Variants in KLC1 observed in about 807,000 individuals in gnomAD.
KLC1 encodes kinesin light chain 1, also known as kinesin 2 60/70kDa.
A neutral mutation model predicts 84.2 loss-of-function variants in KLC1; 30 were observed. That is an observed-to-expected ratio of 0.36 (90% CI 0.27 to 0.48). The LOEUF (loss-of-function observed/expected upper bound fraction) is 0.48, where lower values mean the gene tolerates loss of function less well. Among genes scored for constraint, KLC1 ranks in the 20% least tolerant of loss-of-function variants. The probability of loss-of-function intolerance (pLI) is 0.99; values close to 1 mark genes in which losing one functional copy is unlikely to be tolerated. For missense variants in KLC1, 499 were observed against 805.4 expected (o/e 0.62, Z 4.60); for synonymous variants, 289 against 293.3 (o/e 0.99, Z 0.15).
In KLC1 at chr14:103,654,666, G is replaced by A. The variant is rs2151492360; in HGVS notation, c.102G>A (p.Gly34=). The A allele has an allele frequency of 1.2e-6, 2 of 1,614,212 alleles. No homozygotes were observed. The highest frequency in any genetic ancestry group is 8.5e-7 in the Non-Finnish European group (1 of 1,180,028). Residue 34 remains glycine (G), a synonymous_variant, in exon 2 of 17, where the codon GGG becomes GGA. Transcript: ENST00000334553. ...IISKTKQVIQ[G]LEALKNEHNS... ...CTAAGACAAAGCAAGTAATTCAGGG[G>A]CTGGAAGCTTTGAAGAATGAGCACA...
intron 3 of KLC1, among the ~76,000 whole-genome samples, chr14:103,658,942 C>T (rs2079047910): frequency 6.6e-6 from 1 of 151,716 alleles, no homozygotes; most frequent in South Asian, 2.1e-4. Context: ...CAGGTGTGAG[C>T]CACTGCGCCC....
rs12590968 is a variant in KLC1 at position 103,670,296 on chromosome 14, G to T, written c.987+13G>T. The T allele has an allele frequency of 1.3e-6, 2 of 1,584,404 alleles. No homozygotes were observed. The highest frequency in any genetic ancestry group is 1.7e-6 in the Non-Finnish European group (2 of 1,159,590). On this transcript the variant is annotated intron_variant, in intron 7 of 16. Coordinates refer to ENST00000334553, the MANE Select transcript of KLC1 (RefSeq NM_001394837.1). ...AATCCGAGAAAAGGTACAAAAGAAGGGGGCAGTCGTTTTCTTTGAGATTTT... is the reference window on the plus strand; with the variant it reads ...AATCCGAGAAAAGGTACAAAAGAAGTGGGCAGTCGTTTTCTTTGAGATTTT...
At chr14:103,678,989 G>T (rs2081147977) in intron 12 of KLC1, among the ~76,000 whole-genome samples, 1 of 152,196 alleles carries the variant, frequency 6.6e-6, no homozygotes, top group Non-Finnish European at 1.5e-5. Context: ...ATAGGCATTG[G>T]TGAGGAGGTG....
intron 13 of KLC1, chr14:103,686,588 G>T (rs2081793620): frequency 6.6e-6 from 1 of 152,274 alleles, no homozygotes; most frequent in South Asian, 2.1e-4. Context: ...ATTTACTGAA[G>T]GAAACAGTAC....
chr14:103,649,853 G>A (rs906178191), intron 1 of KLC1, among the ~76,000 whole-genome samples: 3 of 151,936 alleles, frequency 2.0e-5, no homozygotes, highest in East Asian at 1.9e-4. Context: ...CCACCATCGC[G>A]CCCGGCTAAT....
At chr14:103,663,613 C>G (rs886848861) in intron 5 of KLC1, among the ~76,000 whole-genome samples, 1 of 152,196 alleles carries the variant, frequency 6.6e-6, no homozygotes, top group African/African-American at 2.4e-5. Flanking sequence ...CGCTGTGCCT[C>G]CTTTTGGAAT....
At chr14:103,677,968 AT>A (rs1454521156) in intron 12 of KLC1, among the ~76,000 whole-genome samples, 4 of 107,360 alleles carry the variant, frequency 3.7e-5, no homozygotes, top group Admixed American at 1.8e-4. Context: ...CTCCGTCTCA[AT>A]TTAAAAAAAA....
At chr14:103,651,527 A>G (rs1375874660) in intron 1 of KLC1, among the ~76,000 whole-genome samples, 1 of 152,196 alleles carries the variant, frequency 6.6e-6, no homozygotes, top group Non-Finnish European at 1.5e-5. Context: ...TTTGGTTATA[A>G]TGGCTTAGCC....
chr14:103,687,060 G>T, intron 13 of KLC1, 21 bp from the exon 14 acceptor site: 1 of 1,511,262 alleles, frequency 6.6e-7, no homozygotes, highest in East Asian at 2.5e-5. Context: ...GCAGCTTCAC[G>T]TTTGTTCACG....
intron 13 of KLC1, 134 bp downstream of exon 13, chr14:103,679,679 C>T: frequency 3.1e-6 from 2 of 636,918 alleles, no homozygotes; most frequent in South Asian, 4.1e-5. Context: ...TCTGTAAGTT[C>T]TTCACTTCTG....
intron 15 of KLC1, chr14:103,696,823 G>T: frequency 1.0e-6 from 1 of 985,498 alleles, no homozygotes; most frequent in Non-Finnish European, 1.2e-6. Flanking sequence ...CAAGACCCAT[G>T]GCCCTGGCCT....
intron 13 of KLC1, among the ~76,000 whole-genome samples, chr14:103,681,533 C>T (rs1438174203): frequency 6.6e-6 from 1 of 152,004 alleles, no homozygotes; most frequent in Non-Finnish European, 1.5e-5. Context: ...TATCTCGGCT[C>T]ACTGCAACCT....
chr14:103,654,999 G>T (rs2078721726), intron 2 of KLC1, among the ~76,000 whole-genome samples, 174 bp downstream of exon 2: 1 of 152,152 alleles, frequency 6.6e-6, no homozygotes, highest in Non-Finnish European at 1.5e-5. Flanking sequence ...GGCTGAGGCA[G>T]GTGGATCACT....
At chr14:103,675,443 CT>C in intron 9 of KLC1, 108 bp from the exon 10 acceptor site, 1 of 863,976 alleles carries the variant, frequency 1.2e-6, no homozygotes, top group Non-Finnish European at 1.8e-6. Flanking sequence ...AAGTTTGAAA[CT>C]TTTCGAGTGC....
At chr14:103,699,317 T>A in intron 15 of KLC1, 2 of 1,557,754 alleles carry the variant, frequency 1.3e-6, no homozygotes, top group Non-Finnish European at 1.7e-6. Context: ...TTCCGCATCC[T>A]GGCTAAAAAT....
chr14:103,660,151 A>T (rs975233454), intron 3 of KLC1, among the ~76,000 whole-genome samples: 1 of 152,120 alleles, frequency 6.6e-6, no homozygotes, highest in Non-Finnish European at 1.5e-5. Context: ...CCTCCCTCAC[A>T]TCTCCTCTAG....
At chr14:103,696,561 G>C (rs1208148458) in intron 15 of KLC1, 1 of 985,372 alleles carries the variant, frequency 1.0e-6, no homozygotes, top group Admixed American at 6.1e-5. Context: ...ACTGACTTGT[G>C]AGCTGTGTGT....
intron 1 of KLC1, among the ~76,000 whole-genome samples, chr14:103,637,861 G>A (rs1178191706): frequency 3.3e-5 from 5 of 152,046 alleles, no homozygotes; most frequent in Non-Finnish European, 4.4e-5. Context: ...ACCATGACCG[G>A]CTTGTTTTTT....
chr14:103,699,132 C>T (rs1327500818), intron 15 of KLC1: 1 of 1,572,214 alleles, frequency 6.4e-7, no homozygotes. Context: ...GCTGCACTCA[C>T]CCCAGCGGCC....
Sources: gnomAD v4.1 joint callset for allele counts (sites outside exome capture counted in the v4.1 genomes callset) on GRCh38, gnomAD v4.1.1 for gene constraint, MANE v1.5 for transcripts, NCBI Gene and HGNC (gene_info 2026-07-23, HGNC 2026-07-21) for gene names.